The following FGF2 variants were observed in gnomAD, a reference collection of about 807,000 sequenced individuals.
The protein encoded by FGF2 is basic fibroblast growth factor bFGF.
Under a neutral mutation model 15.9 loss-of-function variants are expected in FGF2, and 13 were observed. The ratio of observed to expected loss-of-function variants is 0.82; its 90% CI spans 0.53 to 1.30. The LOEUF is 1.30. Among genes scored for constraint, FGF2 ranks in the 50% most tolerant of loss-of-function variants. The probability of loss-of-function intolerance (pLI) is 0.00; values close to 1 mark genes in which losing one functional copy is unlikely to be tolerated. For synonymous variants in FGF2, 90 were observed against 78.4 expected, an observed-to-expected ratio of 1.15 and a Z score of -0.78; for missense variants, 163 against 196.9, an observed-to-expected ratio of 0.83 and a Z score of 1.03.
rs1436278362 is a variant in FGF2, at chr4:122,896,397, G to T, written c.*4001G>T. 6.6e-6 allele frequency: 1 copy of T among 152,424 alleles called. No homozygotes were observed. The highest frequency in any genetic ancestry group is 1.5e-5 in the Non-Finnish European group (1 of 68,036). The allele number at this position is 152,424 out of a possible 1,614,324, so 9.4% of individuals were successfully genotyped here. On this transcript the variant is annotated 3_prime_UTR_variant, in exon 3 of 3. Transcript: ENST00000644866. Reference sequence around the variant, plus strand: ...TTATTTGAAAAGGCAAGATGCAGGAGAGAGGAAGCCTTGCAAACCTGCAGA... The same window carrying T: ...TTATTTGAAAAGGCAAGATGCAGGATAGAGGAAGCCTTGCAAACCTGCAGA...
chr4:122,869,675 C>A (rs1332510789), intron 1 of FGF2, among the ~76,000 whole-genome samples: 3 of 152,096 alleles, frequency 2.0e-5, no homozygotes, highest in Non-Finnish European at 4.4e-5. Flanking sequence ...GTGATTTTTC[C>A]ACATTGATTT....
chr4:122,891,026 TTTTTTTTTTG>T (rs1033666865), intron 2 of FGF2, among the ~76,000 whole-genome samples: 8 of 123,652 alleles, frequency 6.5e-5, no homozygotes, highest in Admixed American at 1.5e-4. Context: ...TTTATCTTTT[TTTTTTTTTTG>T]TTTTGTTTTG....
chr4:122,868,363 A>G (rs1390063340), intron 1 of FGF2, among the ~76,000 whole-genome samples: 2 of 152,156 alleles, frequency 1.3e-5, no homozygotes, highest in African/African-American at 2.4e-5. Context: ...GAGAGAGAAC[A>G]TGCGGTATTT....
chr4:122,864,237 G>C (rs1249502002), intron 1 of FGF2, among the ~76,000 whole-genome samples: 1 of 151,984 alleles, frequency 6.6e-6, no homozygotes, highest in East Asian at 1.9e-4. Context: ...AGCATTGTGA[G>C]GGACTTAATA....
intron 1 of FGF2, among the ~76,000 whole-genome samples, chr4:122,865,344 G>T (rs999032924): frequency 7.9e-5 from 12 of 152,220 alleles, no homozygotes; most frequent in Non-Finnish European, 1.3e-4. Flanking sequence ...AGGCTGGAGT[G>T]CATTCGTGCT....
At chr4:122,838,494 T>C (rs1312592266) in intron 1 of FGF2, among the ~76,000 whole-genome samples, 1 of 152,248 alleles carries the variant, frequency 6.6e-6, no homozygotes, top group African/African-American at 2.4e-5. Context: ...ATAGTTTTTT[T>C]CCTATTGGCT....
intron 1 of FGF2, among the ~76,000 whole-genome samples, chr4:122,861,744 C>T (rs1179820608): frequency 1.3e-5 from 2 of 152,084 alleles, no homozygotes; most frequent in Non-Finnish European, 2.9e-5. Flanking sequence ...GTCCCCCATA[C>T]CCCCTTCCAC....
At chr4:122,860,873 T>C (rs1477376100) in intron 1 of FGF2, among the ~76,000 whole-genome samples, 3 of 152,354 alleles carry the variant, frequency 2.0e-5, no homozygotes, top group East Asian at 3.9e-4. Flanking sequence ...TAATGTCCTT[T>C]TTCTGTTCCG....
intron 1 of FGF2, among the ~76,000 whole-genome samples, chr4:122,855,344 T>C (rs1726318374): frequency 6.6e-6 from 1 of 152,242 alleles, no homozygotes; most frequent in African/African-American, 2.4e-5. Context: ...TATTTTTGTT[T>C]AATCTCTTTC....
chr4:122,845,695 C>T (rs1025411680), intron 1 of FGF2, among the ~76,000 whole-genome samples: 1 of 152,244 alleles, frequency 6.6e-6, no homozygotes, highest in Non-Finnish European at 1.5e-5. Flanking sequence ...CCTTACCTCT[C>T]TCAGCCTTCA....
chr4:122,834,975 A>G (rs1031798708), intron 1 of FGF2, among the ~76,000 whole-genome samples: 3 of 152,118 alleles, frequency 2.0e-5, no homozygotes, highest in Non-Finnish European at 4.4e-5. Context: ...TCTGACACCC[A>G]TGGCTCCAGC....
chr4:122,874,144 A>G (rs979938568), intron 1 of FGF2, among the ~76,000 whole-genome samples: 1 of 152,238 alleles, frequency 6.6e-6, no homozygotes, highest in African/African-American at 2.4e-5. Flanking sequence ...GTACATCCTT[A>G]TGAGTTAAAG....
chr4:122,890,435 AT>A (rs1192989722), intron 2 of FGF2, among the ~76,000 whole-genome samples: 1 of 152,206 alleles, frequency 6.6e-6, no homozygotes, highest in African/African-American at 2.4e-5. Context: ...TTAAGTTTGT[AT>A]TTCAGTTTTT....
At chr4:122,841,961 T>C (rs1448995864) in intron 1 of FGF2, among the ~76,000 whole-genome samples, 1 of 152,212 alleles carries the variant, frequency 6.6e-6, no homozygotes, top group African/African-American at 2.4e-5. Flanking sequence ...TAAATTATTT[T>C]TGGCTATGCT....
At chr4:122,864,601 T>C (rs970265057) in intron 1 of FGF2, among the ~76,000 whole-genome samples, 1 of 152,228 alleles carries the variant, frequency 6.6e-6, no homozygotes, top group Admixed American at 6.5e-5. Flanking sequence ...GGGTGATACG[T>C]CTCCAAACTC....
chr4:122,878,582 G>C (rs1726903415), intron 2 of FGF2, among the ~76,000 whole-genome samples: 1 of 152,158 alleles, frequency 6.6e-6, no homozygotes, highest in Non-Finnish European at 1.5e-5. Context: ...AAGCAGTGGA[G>C]AGCCATGAAG....
chr4:122,889,986 C>G (rs1727135283), intron 2 of FGF2: 1 of 152,120 alleles, frequency 6.6e-6, no homozygotes, highest in African/African-American at 2.4e-5. Flanking sequence ...GGGAATCAGT[C>G]TATGAAGTTC....
intron 1 of FGF2, among the ~76,000 whole-genome samples, chr4:122,867,512 T>C (rs754092031): frequency 5.3e-5 from 8 of 152,216 alleles, no homozygotes; most frequent in Non-Finnish European, 1.2e-4. Flanking sequence ...TAAAAATATA[T>C]ATTTTTTTAA....
chr4:122,838,277 T>C (rs1362065125), intron 1 of FGF2, among the ~76,000 whole-genome samples: 1 of 152,200 alleles, frequency 6.6e-6, no homozygotes, highest in Non-Finnish European at 1.5e-5. Flanking sequence ...GTCCCTTTGC[T>C]CTGTGGTAGA....
Sources: gnomAD v4.1 joint callset for allele counts (sites outside exome capture counted in the v4.1 genomes callset) on GRCh38, gnomAD v4.1.1 for gene constraint, MANE v1.5 for transcripts, NCBI Gene and HGNC (gene_info 2026-07-23, HGNC 2026-07-21) for gene names.